Variants in SLC9A9 observed in about 807,000 individuals in gnomAD.
The protein encoded by SLC9A9 is sodium/hydrogen exchanger 9.
SLC9A9 carries 62 observed loss-of-function variants against 77.8 expected under a neutral mutation model. The ratio of observed to expected loss-of-function variants is 0.80; its 90% CI spans 0.65 to 0.98. The LOEUF (loss-of-function observed/expected upper bound fraction) is 0.98. Among genes scored for constraint, SLC9A9 ranks in the 50% least tolerant of loss-of-function variants. The pLI, the probability that SLC9A9 is intolerant of heterozygous loss-of-function variation, is 0.00. For missense variants in SLC9A9, 775 were observed against 774.9 expected, an observed-to-expected ratio of 1.00 and a Z score of 0.00; for synonymous variants, 320 against 283.5, an observed-to-expected ratio of 1.13 and a Z score of -1.29.
At chr3:143,568,704 G>A (rs981133196) in intron 8 of SLC9A9, among the ~76,000 whole-genome samples, 3 of 152,024 alleles carry the variant, frequency 2.0e-5, no homozygotes, top group Admixed American at 6.6e-5. Flanking sequence ...TCCACTGCTC[G>A]AACGATATTT....
chr3:143,271,873 A>G (rs1446624861), intron 14 of SLC9A9, among the ~76,000 whole-genome samples: 1 of 152,136 alleles, frequency 6.6e-6, no homozygotes, highest in African/African-American at 2.4e-5. Flanking sequence ...TCAAATGTGG[A>G]GCTGAGTCTG....
chr3:143,396,714 C>G (rs1169567540), intron 12 of SLC9A9, among the ~76,000 whole-genome samples: 1 of 152,154 alleles, frequency 6.6e-6, no homozygotes, highest in African/African-American at 2.4e-5. Flanking sequence ...CTTTGCTACT[C>G]AGGCCTCCTG....
Position 143,738,882 on chromosome 3 carries a change from A to T in SLC9A9, c.534-45575T>A, listed in dbSNP as rs114490090. 5.9e-3 allele frequency among the ~76,000 whole-genome samples: 892 copies of T among 152,336 alleles called. 8 individuals are homozygous for T. Among genetic ancestry groups the T allele is most frequent in the African/African-American group, 0.02 (835 of 41,588 alleles). On this transcript the variant is annotated intron_variant, in intron 4 of 15. Transcript: ENST00000316549. The stretch of plus-strand genomic sequence containing the variant: ...TGCACAGGAGAAGGCATGTGCAGGT[A>T]TGCAGCTTTCATATCCCCTCTGGAT...
At chr3:143,764,658 A>G (rs1238444762) in intron 4 of SLC9A9, among the ~76,000 whole-genome samples, 1 of 152,144 alleles carries the variant, frequency 6.6e-6, no homozygotes, top group Middle Eastern at 3.2e-3. Flanking sequence ...CTTTGAACTC[A>G]AGTGATTCTC....
chr3:143,784,484 G>T (rs1310356041), intron 4 of SLC9A9, among the ~76,000 whole-genome samples: 1 of 150,884 alleles, frequency 6.6e-6, no homozygotes, highest in Non-Finnish European at 1.5e-5. Context: ...TTCACATCAG[G>T]TTCCAAGTCT....
chr3:143,737,650 G>C (rs1934975091), intron 4 of SLC9A9, among the ~76,000 whole-genome samples: 1 of 152,130 alleles, frequency 6.6e-6, no homozygotes, highest in South Asian at 2.1e-4. Context: ...TAATATTACA[G>C]TTTCTTCTAA....
intron 4 of SLC9A9, among the ~76,000 whole-genome samples, chr3:143,740,348 G>T (rs1169101525): frequency 6.6e-6 from 1 of 152,194 alleles, no homozygotes; most frequent in Non-Finnish European, 1.5e-5. Context: ...AATGCATTAG[G>T]TAGCATGTAA....
At chr3:143,803,144 T>TCC (rs748100402) in intron 2 of SLC9A9, among the ~76,000 whole-genome samples, 2 of 152,134 alleles carry the variant, frequency 1.3e-5, no homozygotes, top group Non-Finnish European at 2.9e-5. Context: ...TGCAGGATCC[T>TCC]CCCCACTGGG....
At chr3:143,429,691 G>A (rs147975561) in intron 12 of SLC9A9, among the ~76,000 whole-genome samples, 12 of 152,284 alleles carry the variant, frequency 7.9e-5, no homozygotes, top group African/African-American at 1.7e-4. Context: ...TGAGAGGAGG[G>A]GAGTGCACAC....
Position 143,835,814 on chromosome 3 carries a change from G to C in SLC9A9, c.176-3593C>G, listed in dbSNP as rs535345042. ...CTTCTTGCTGGAGGAGGAAAGAAGA[G>C]AGCCTGCCCCTGCAAAGGGATACCC... On this transcript the variant is annotated intron_variant, in intron 1 of 15. Transcript: ENST00000316549. Among the ~76,000 whole-genome samples the C allele has an allele frequency of 3.7e-3, 565 of 152,316 alleles. 5 individuals carry two copies. Among genetic ancestry groups the C allele is most frequent in the African/African-American group, 0.013 (543 of 41,572 alleles).
At chr3:143,305,844 TCTC>T (rs2030756642) in intron 14 of SLC9A9, among the ~76,000 whole-genome samples, 1 of 152,208 alleles carries the variant, frequency 6.6e-6, no homozygotes, top group Non-Finnish European at 1.5e-5. Context: ...TACAGAACTG[TCTC>T]CTCAGCTTCT....
intron 5 of SLC9A9, among the ~76,000 whole-genome samples, chr3:143,664,138 G>A (rs1276914180): frequency 6.6e-6 from 1 of 152,184 alleles, no homozygotes; most frequent in African/African-American, 2.4e-5. Context: ...TCTCTCTGCA[G>A]AAACTCTACA....
At chr3:143,557,382 G>T (rs996121138) in intron 8 of SLC9A9, among the ~76,000 whole-genome samples, 2 of 152,180 alleles carry the variant, frequency 1.3e-5, no homozygotes, top group Non-Finnish European at 2.9e-5. Context: ...ACCGAGTGGG[G>T]TGGGGTGTTT....
At position 143,573,697 on chromosome 3, in the gene SLC9A9, C is replaced by CTCTCT. The variant is rs1170727230; in HGVS notation, c.1000+390_1000+391insAGAGA. On this transcript the variant is annotated intron_variant, in intron 8 of 15. Coordinates refer to ENST00000316549, the MANE Select transcript of SLC9A9 (RefSeq NM_173653.4). Reference sequence around the variant, plus strand: ...GTACCTACCCTAGAGAGCCTGCTAACATTGAAACCTACTGTTAAGAGCCAC... The same window carrying CTCTCT: ...GTACCTACCCTAGAGAGCCTGCTAACTCTCTATTGAAACCTACTGTTAAGAGCCAC... 3.3e-5 allele frequency among the ~76,000 whole-genome samples: 5 copies of CTCTCT among 152,266 alleles called. No homozygotes were observed. The East Asian group carries it at 9.7e-4, about 29-fold the overall frequency.
At chr3:143,706,291 G>T (rs1933974362) in intron 4 of SLC9A9, among the ~76,000 whole-genome samples, 1 of 152,188 alleles carries the variant, frequency 6.6e-6, no homozygotes, top group Non-Finnish European at 1.5e-5. Flanking sequence ...GCGGGGGAAT[G>T]CCTGTCCTGA....
At chr3:143,456,481 C>T (rs1458685184) in intron 12 of SLC9A9, among the ~76,000 whole-genome samples, 1 of 151,496 alleles carries the variant, frequency 6.6e-6, no homozygotes, top group African/African-American at 2.4e-5. Flanking sequence ...GTTGTATCTT[C>T]TTTCAAAGAA....
intron 5 of SLC9A9, chr3:143,655,506 C>T (rs1171063996): frequency 1.8e-5 from 18 of 985,278 alleles, no homozygotes; most frequent in Non-Finnish European, 2.2e-5. Context: ...TAGTTCCACT[C>T]ATCTTTTAGT....
At chr3:143,803,987 C>T (rs1387410967) in intron 2 of SLC9A9, among the ~76,000 whole-genome samples, 4 of 152,122 alleles carry the variant, frequency 2.6e-5, no homozygotes, top group Non-Finnish European at 5.9e-5. Context: ...AACCTTTCTC[C>T]TTATATTAAC....
chr3:143,569,586 T>C (rs1449484328), intron 8 of SLC9A9, among the ~76,000 whole-genome samples: 1 of 152,122 alleles, frequency 6.6e-6, no homozygotes, highest in African/African-American at 2.4e-5. Context: ...ATATATTTTT[T>C]CTTTTTTATT....
Sources: allele counts gnomAD v4.1 joint callset (sites outside exome capture counted in the v4.1 genomes callset), GRCh38; gene constraint gnomAD v4.1.1; transcripts MANE v1.5; gene names NCBI Gene and HGNC (gene_info 2026-07-23, HGNC 2026-07-21).